ZFHX3: variants seen among roughly 807,000 people sequenced by gnomAD.
ZFHX3 encodes the protein zinc finger homeobox 3, also known as zinc finger homeobox protein 3.
In ZFHX3, 42 loss-of-function variants were observed where a neutral mutation model predicts 279.1. That is an observed-to-expected ratio of 0.15 (90% CI 0.12 to 0.19). The LOEUF (loss-of-function observed/expected upper bound fraction) is 0.19. ZFHX3 is among the 10% of genes least tolerant of loss of function. The probability of loss-of-function intolerance (pLI) is 1.00; values close to 1 mark genes in which losing one functional copy is unlikely to be tolerated. For missense variants in ZFHX3, 4,981 were observed against 4,754.0 expected, an observed-to-expected ratio of 1.05 and a Z score of -1.40; for synonymous variants, 2,293 against 1,957.8, an observed-to-expected ratio of 1.17 and a Z score of -4.52.
chr16:73,023,804 G>A (rs187498142), intron 1 of ZFHX3, among the ~76,000 whole-genome samples: 3 of 152,104 alleles, frequency 2.0e-5, no homozygotes, highest in African/African-American at 4.8e-5. Context: ...AGGCTGCAAC[G>A]ACCACACACA....
rs146954435 is a variant in ZFHX3, at chr16:73,668,491, T to C, written c.-1547+11689A>G. ...CACTGACAGACCCCAGCGTGTGATA[T>C]TCCCCTCCCTGTGTCTATGTGTTCT... On this transcript the variant is annotated intron_variant, in intron 2 of 17. Coordinates refer to the ZFHX3 transcript ENST00000641206. Among the ~76,000 whole-genome samples the C allele has an allele frequency of 4.6e-5, 7 of 152,200 alleles. No individual in the cohort carries two copies. The East Asian group carries it at 1.4e-3, about 29-fold the overall frequency.
chr16:73,749,765 G>A (rs1439291478), intron 1 of ZFHX3, among the ~76,000 whole-genome samples: 1 of 152,218 alleles, frequency 6.6e-6, no homozygotes, highest in African/African-American at 2.4e-5. Context: ...AATGCAAAAT[G>A]TGAGGAGCTG....
intron 2 of ZFHX3, among the ~76,000 whole-genome samples, chr16:73,610,482 T>C (rs1296172286): frequency 1.3e-5 from 2 of 152,204 alleles, no homozygotes; most frequent in African/African-American, 4.8e-5. Context: ...GCTCTGAAAA[T>C]GCTTTGCTTT....
intron 4 of ZFHX3, among the ~76,000 whole-genome samples, chr16:73,268,168 T>C (rs1051544316): frequency 1.4e-4 from 22 of 152,196 alleles, no homozygotes; most frequent in East Asian, 1.9e-4. Flanking sequence ...TCCTTTTTTT[T>C]CCCTAGACTA....
At chr16:73,390,360 G>A (rs1010078431) in intron 3 of ZFHX3, among the ~76,000 whole-genome samples, 1 of 152,124 alleles carries the variant, frequency 6.6e-6, no homozygotes. Context: ...CTTCTGGAGG[G>A]CAGGAGCAGA....
intron 2 of ZFHX3, among the ~76,000 whole-genome samples, chr16:73,497,407 G>A (rs1023915774): frequency 1.3e-5 from 2 of 152,232 alleles, no homozygotes; most frequent in Admixed American, 6.5e-5. Context: ...AGTGGCTCAC[G>A]CCTGTAATCC....
chr16:73,420,231 G>A (rs2017690742), intron 3 of ZFHX3: 1 of 152,156 alleles, frequency 6.6e-6, no homozygotes, highest in Non-Finnish European at 1.5e-5. Context: ...AATACTTGAG[G>A]TAATAAATAT....
intron 1 of ZFHX3, among the ~76,000 whole-genome samples, chr16:73,681,685 C>G (rs1325094803): frequency 2.0e-5 from 3 of 152,152 alleles, no homozygotes; most frequent in African/African-American, 7.2e-5. Flanking sequence ...GGCACCTGAT[C>G]CTGTTCTCCG....
chr16:73,455,922 T>A (rs1843803632), intron 3 of ZFHX3: 1 of 152,002 alleles, frequency 6.6e-6, no homozygotes, highest in Non-Finnish European at 1.5e-5. Flanking sequence ...TGGGTGTCCC[T>A]TGACAAACCA....
chr16:73,153,644 C>G (rs980695154), intron 5 of ZFHX3, among the ~76,000 whole-genome samples: 1 of 151,828 alleles, frequency 6.6e-6, no homozygotes, highest in Non-Finnish European at 1.5e-5. Flanking sequence ...AATAAGCACT[C>G]TTTTTTTATT....
chr16:73,534,878 T>C (rs533444128), intron 2 of ZFHX3, among the ~76,000 whole-genome samples: 6 of 152,240 alleles, frequency 3.9e-5, no homozygotes, highest in African/African-American at 1.4e-4. Flanking sequence ...GTATAATCCA[T>C]CTCACAGTGA....
rs146529794 is a variant in ZFHX3 at position 72,943,580 on chromosome 16, C to G, written c.3216+6889G>C. ...AAAACTGCATGACAAAAAATGTTCCCCCATCTACATTAGAACAATGAAAAG... is the reference window on the plus strand; with the variant it reads ...AAAACTGCATGACAAAAAATGTTCCGCCATCTACATTAGAACAATGAAAAG... On this transcript the variant is annotated intron_variant, in intron 3 of 9. Transcript: ENST00000268489. Among the ~76,000 whole-genome samples, 4 of 152,224 alleles carry G rather than the reference C, an allele frequency of 2.6e-5. No individual in the cohort carries two copies. The East Asian group carries it at 7.7e-4, about 29-fold the overall frequency.
intron 4 of ZFHX3, among the ~76,000 whole-genome samples, chr16:73,279,080 T>G (rs1460375409): frequency 6.6e-6 from 1 of 152,258 alleles, no homozygotes; most frequent in Non-Finnish European, 1.5e-5. Flanking sequence ...ATGCATTCTT[T>G]TTGTAATCTT....
At chr16:73,455,181 C>A (rs2018350889) in intron 3 of ZFHX3, among the ~76,000 whole-genome samples, 1 of 152,260 alleles carries the variant, frequency 6.6e-6, no homozygotes, top group African/African-American at 2.4e-5. Context: ...TTCATACCAG[C>A]CACACCTGCT....
intron 1 of ZFHX3, among the ~76,000 whole-genome samples, chr16:72,979,835 C>T (rs147355871): frequency 1.1e-4 from 17 of 152,138 alleles, no homozygotes; most frequent in African/African-American, 2.7e-4. Context: ...AACCTACACA[C>T]TGAGTCAAAT....
chr16:73,443,480 A>C (rs963743913), intron 3 of ZFHX3, among the ~76,000 whole-genome samples: 3 of 152,240 alleles, frequency 2.0e-5, no homozygotes, highest in Non-Finnish European at 4.4e-5. Flanking sequence ...TGGACACACC[A>C]CAAGATCCCT....
intron 3 of ZFHX3, among the ~76,000 whole-genome samples, chr16:73,405,182 T>C (rs2017335420): frequency 1.3e-5 from 2 of 152,222 alleles, no homozygotes; most frequent in South Asian, 4.1e-4. Flanking sequence ...GGAAAGGAAA[T>C]AAAGAAGGAC....
At position 73,178,962 on chromosome 16, in the gene ZFHX3, G is replaced by A. The variant is rs115948998; in HGVS notation, c.-1103-35131C>T. 6.8e-3 allele frequency among the ~76,000 whole-genome samples: 1,033 copies of A among 152,286 alleles called. 20 individuals are homozygous for A. Among genetic ancestry groups the A allele is most frequent in the African/African-American group, 0.023 (961 of 41,570 alleles). On this transcript the variant is annotated intron_variant, in intron 5 of 17. Transcript: ENST00000641206. ...TAGTCACTACAGGGGATACAATGAT[G>A]AAAATTGTAAATGAAAGTCAAATTG...
At chr16:73,137,438 G>C (rs1381943778) in intron 6 of ZFHX3, 1 of 152,022 alleles carries the variant, frequency 6.6e-6, no homozygotes, top group African/African-American at 2.4e-5. Context: ...CATTCAGCTA[G>C]CTGCAACTTT....
Sources: gnomAD v4.1 joint callset for allele counts (sites outside exome capture counted in the v4.1 genomes callset) on GRCh38, gnomAD v4.1.1 for gene constraint, MANE v1.5 for transcripts, NCBI Gene and HGNC (gene_info 2026-07-23, HGNC 2026-07-21) for gene names.